Variants in BBS9 observed in about 807,000 individuals in gnomAD.
The protein encoded by BBS9 is Bardet-Biedl syndrome 9, also known as protein PTHB1.
BBS9 carries 89 observed loss-of-function variants against 117.7 expected under a neutral mutation model. The observed-to-expected ratio is 0.76, with a 90% CI of 0.64 to 0.90. The LOEUF (loss-of-function observed/expected upper bound fraction) is 0.90. Ranked by LOEUF, BBS9 falls within the 40% of genes least tolerant of loss-of-function variation. The pLI is 0.00. For synonymous variants in BBS9, 379 were observed against 370.9 expected (o/e 1.02, Z -0.25); for missense variants, 982 against 1,042.2 (o/e 0.94, Z 0.80).
intron 3 of BBS9, among the ~76,000 whole-genome samples, chr7:33,155,032 T>C (rs1026813984): frequency 6.6e-6 from 1 of 152,240 alleles, no homozygotes; most frequent in Non-Finnish European, 1.5e-5. Context: ...CATGCTAGTT[T>C]CTGGAAACCA....
intron 4 of BBS9, among the ~76,000 whole-genome samples, chr7:33,175,628 T>G (rs530032682): frequency 6.6e-6 from 1 of 152,190 alleles, no homozygotes; most frequent in East Asian, 1.9e-4. Context: ...GCATTTACCT[T>G]ACTTGAACAT....
chr7:33,501,620 A>G (rs1431193284), intron 19 of BBS9, among the ~76,000 whole-genome samples: 1 of 152,222 alleles, frequency 6.6e-6, no homozygotes, highest in Non-Finnish European at 1.5e-5. Context: ...GGGTGGGTCC[A>G]TGAACTGACA....
chr7:33,151,850 CT>C (rs11346140), intron 2 of BBS9, among the ~76,000 whole-genome samples: 5,897 of 82,176 alleles, frequency 0.072, 101 homozygotes, highest in South Asian at 0.11. Context: ...TGCACCCAGC[CT>C]TTTTTTTTTT....
chr7:33,438,845 C>G (rs1447337431), intron 19 of BBS9, among the ~76,000 whole-genome samples: 5 of 152,188 alleles, frequency 3.3e-5, no homozygotes, highest in African/African-American at 1.2e-4. Context: ...GGCGAATGTT[C>G]TCATATGCTG....
chr7:33,617,086 T>C (rs1172441869), intron 21 of BBS9, among the ~76,000 whole-genome samples: 2 of 152,096 alleles, frequency 1.3e-5, no homozygotes, highest in Non-Finnish European at 2.9e-5. Flanking sequence ...AGTGTATATA[T>C]AAATATACTA....
intron 20 of BBS9, among the ~76,000 whole-genome samples, chr7:33,532,568 T>G (rs1337959427): frequency 6.6e-6 from 1 of 152,036 alleles, no homozygotes; most frequent in Non-Finnish European, 1.5e-5. Flanking sequence ...TCAGATCTCA[T>G]GAAAACTCAC....
chr7:33,542,721 G>GTATATA (rs1852540664), intron 21 of BBS9, among the ~76,000 whole-genome samples: 1 of 143,804 alleles, frequency 7.0e-6, no homozygotes, highest in Admixed American at 6.9e-5. Flanking sequence ...GTGTGTGTGT[G>GTATATA]TGTGTGTGTG....
At chr7:33,455,572 G>A (rs1838527607) in intron 19 of BBS9, among the ~76,000 whole-genome samples, 1 of 152,036 alleles carries the variant, frequency 6.6e-6, no homozygotes, top group African/African-American at 2.4e-5. Context: ...GACAAAGTTG[G>A]TCTGGCTTTT....
chr7:33,491,246 T>A (rs1029187252), intron 19 of BBS9, among the ~76,000 whole-genome samples: 1 of 152,184 alleles, frequency 6.6e-6, no homozygotes, highest in Non-Finnish European at 1.5e-5. Context: ...TTCTAAGACA[T>A]TAATTTTAGA....
At chr7:33,316,832 T>C (rs532190224) in intron 9 of BBS9, among the ~76,000 whole-genome samples, 2 of 152,334 alleles carry the variant, frequency 1.3e-5, no homozygotes, top group African/African-American at 4.8e-5. Context: ...GCATGGCTAT[T>C]CATTTTTTCA....
chr7:33,487,006 A>G (rs1159983151), intron 19 of BBS9, among the ~76,000 whole-genome samples: 1 of 152,190 alleles, frequency 6.6e-6, no homozygotes, highest in Non-Finnish European at 1.5e-5. Flanking sequence ...GTGCTGAACT[A>G]ATGATGTTTT....
At chr7:33,579,685 AC>A (rs1262462841) in intron 21 of BBS9, among the ~76,000 whole-genome samples, 2 of 152,060 alleles carry the variant, frequency 1.3e-5, no homozygotes, top group East Asian at 3.9e-4. Context: ...GCTTCCCAGT[AC>A]CCCTGATGAT....
intron 19 of BBS9, among the ~76,000 whole-genome samples, chr7:33,444,709 A>G (rs972072910): frequency 6.6e-6 from 1 of 152,182 alleles, no homozygotes; most frequent in Non-Finnish European, 1.5e-5. Flanking sequence ...TAGTGATCTT[A>G]AGTAAGAGCC....
At chr7:33,622,542 C>G (rs947592518) in intron 21 of BBS9, among the ~76,000 whole-genome samples, 1 of 152,092 alleles carries the variant, frequency 6.6e-6, no homozygotes, top group Admixed American at 6.6e-5. Context: ...ATCAAAGCAT[C>G]ACTTTGTATA....
intron 9 of BBS9, among the ~76,000 whole-genome samples, chr7:33,322,596 A>T (rs922758906): frequency 2.0e-5 from 3 of 151,592 alleles, no homozygotes; most frequent in Non-Finnish European, 4.4e-5. Context: ...TCTCCCTTTT[A>T]ATCTCTGATT....
chr7:33,168,214 A>G (rs1795987076), intron 4 of BBS9, among the ~76,000 whole-genome samples: 1 of 152,196 alleles, frequency 6.6e-6, no homozygotes, highest in Non-Finnish European at 1.5e-5. Context: ...TTGACCTGAA[A>G]TTTGGTTTTG....
intron 20 of BBS9, among the ~76,000 whole-genome samples, chr7:33,531,578 A>G (rs1418072198): frequency 6.6e-6 from 1 of 152,096 alleles, no homozygotes. Context: ...AAAACTTGAA[A>G]CTCAGTTTAT....
chr7:33,529,644 C>A (rs1850257072), intron 20 of BBS9, among the ~76,000 whole-genome samples: 1 of 151,532 alleles, frequency 6.6e-6, no homozygotes, highest in Non-Finnish European at 1.5e-5. Context: ...CCAGTTGCCT[C>A]CCACTCCCCC....
intron 21 of BBS9, among the ~76,000 whole-genome samples, chr7:33,634,108 C>A (rs939613039): frequency 1.3e-5 from 2 of 152,222 alleles, no homozygotes; most frequent in Non-Finnish European, 2.9e-5. Flanking sequence ...CACGCAGGCC[C>A]GTCTCCCATG....
Sources: gnomAD v4.1 joint callset for allele counts (sites outside exome capture counted in the v4.1 genomes callset) on GRCh38, gnomAD v4.1.1 for gene constraint, MANE v1.5 for transcripts, NCBI Gene and HGNC (gene_info 2026-07-23, HGNC 2026-07-21) for gene names.